The following MACROD2 variants were observed in gnomAD, a reference collection of about 807,000 sequenced individuals.
MACROD2 encodes the protein ADP-ribose glycohydrolase MACROD2.
Under a neutral mutation model 70.4 loss-of-function variants are expected in MACROD2, and 36 were observed. The observed-to-expected ratio is 0.51, with a 90% CI of 0.39 to 0.68. The LOEUF (loss-of-function observed/expected upper bound fraction) is 0.68, where lower values mean the gene tolerates loss of function less well. Ranked by LOEUF, MACROD2 falls within the 30% of genes least tolerant of loss-of-function variation. The pLI is 0.00. For synonymous variants in MACROD2, 172 were observed against 178.8 expected (o/e 0.96, Z 0.30); for missense variants, 496 against 538.4 (o/e 0.92, Z 0.78).
intron 17 of MACROD2, among the ~76,000 whole-genome samples, chr20:16,046,435 A>G (rs1416960687): frequency 1.3e-5 from 2 of 151,924 alleles, no homozygotes; most frequent in African/African-American, 4.8e-5. Context: ...ATGAGACTAA[A>G]CTTGAACAAT....
intron 6 of MACROD2, among the ~76,000 whole-genome samples, chr20:15,255,942 T>G (rs1436095711): frequency 6.6e-6 from 1 of 152,148 alleles, no homozygotes; most frequent in African/African-American, 2.4e-5. Flanking sequence ...GAAACTGACT[T>G]ACACACATGA....
At chr20:15,978,119 T>C (rs549217488) in intron 13 of MACROD2, among the ~76,000 whole-genome samples, 43 of 152,356 alleles carry the variant, frequency 2.8e-4, no homozygotes, top group African/African-American at 9.9e-4. Context: ...ATGCAGGCTC[T>C]GATTCTGTAG....
chr20:14,099,043 G>A (rs2054265782), intron 3 of MACROD2, among the ~76,000 whole-genome samples: 1 of 152,174 alleles, frequency 6.6e-6, no homozygotes, highest in South Asian at 2.1e-4. Context: ...ACTTTGGGAG[G>A]CCGAGGCAGG....
chr20:15,603,352 A>C (rs2048848796), intron 8 of MACROD2, among the ~76,000 whole-genome samples: 1 of 151,712 alleles, frequency 6.6e-6, no homozygotes, highest in East Asian at 1.9e-4. Flanking sequence ...ATTTAAAAAA[A>C]AAAAAATTAG....
chr20:15,087,622 G>A (rs1329373860), intron 5 of MACROD2, among the ~76,000 whole-genome samples: 2 of 151,842 alleles, frequency 1.3e-5, no homozygotes, highest in African/African-American at 4.8e-5. Context: ...AGTAAAACTT[G>A]GACTGTTTGT....
At chr20:14,505,368 T>A (rs2123133658) in intron 4 of MACROD2, among the ~76,000 whole-genome samples, 1 of 152,342 alleles carries the variant, frequency 6.6e-6, no homozygotes, top group African/African-American at 2.4e-5. Flanking sequence ...ATCTGTCTAG[T>A]GTTTCTTTGC....
chr20:15,147,130 G>T (rs1242407863), intron 5 of MACROD2, among the ~76,000 whole-genome samples: 1 of 152,094 alleles, frequency 6.6e-6, no homozygotes, highest in Non-Finnish European at 1.5e-5. Context: ...AAAAAAGTGA[G>T]CCTTACCCTG....
At chr20:15,634,754 GT>G (rs1292038336) in intron 8 of MACROD2, among the ~76,000 whole-genome samples, 2 of 152,156 alleles carry the variant, frequency 1.3e-5, no homozygotes, top group Admixed American at 6.5e-5. Context: ...CTTTTTCAAT[GT>G]GTCGTACTGT....
chr20:15,578,289 G>A (rs971065259), intron 8 of MACROD2, among the ~76,000 whole-genome samples: 2 of 152,166 alleles, frequency 1.3e-5, no homozygotes, highest in Admixed American at 1.3e-4. Context: ...TGGGTGGGAC[G>A]TGTACTTTGG....
At chr20:14,695,761 C>A (rs552619838) in intron 5 of MACROD2, among the ~76,000 whole-genome samples, 1 of 152,356 alleles carries the variant, frequency 6.6e-6, no homozygotes, top group East Asian at 1.9e-4. Flanking sequence ...TCAAGCTTTC[C>A]GATGTCTGCA....
chr20:15,333,516 G>T (rs367813130), intron 6 of MACROD2, among the ~76,000 whole-genome samples: 1 of 151,574 alleles, frequency 6.6e-6, no homozygotes. Context: ...GAAGATCAGC[G>T]CTGGAAGAAG....
chr20:16,051,259 A>C lies in MACROD2; in HGVS notation c.*1383A>C, dbSNP rs1269280305. 1 of 152,182 alleles carries C rather than the reference A, an allele frequency of 6.6e-6. No individual in the cohort carries two copies. Among genetic ancestry groups the C allele is most frequent in the Non-Finnish European group, 1.5e-5 (1 of 68,046 alleles). 9.4% of individuals were successfully genotyped at this position (152,182 alleles called of 1,614,324 possible). On this transcript the variant is annotated 3_prime_UTR_variant, in exon 18 of 18. Transcript: ENST00000684519. ...AAACTTACTTATATTGTTTTTCCTT[A>C]ACAGAGGGAGAAAAATAGTGGATTA...
At chr20:14,181,092 GTCTC>G (rs947854602) in intron 3 of MACROD2, among the ~76,000 whole-genome samples, 1 of 148,560 alleles carries the variant, frequency 6.7e-6, no homozygotes, top group Admixed American at 6.7e-5. Flanking sequence ...TTTAGACAGG[GTCTC>G]TCTCTCTGTT....
chr20:15,602,930 G>A (rs1193728431), intron 8 of MACROD2, among the ~76,000 whole-genome samples: 1 of 113,248 alleles, frequency 8.8e-6, no homozygotes, highest in African/African-American at 5.0e-5. Context: ...TTTAACCAAT[G>A]CCCATTTTCT....
At chr20:15,054,946 CT>C (rs10673344) in intron 5 of MACROD2, among the ~76,000 whole-genome samples, 282 of 120,714 alleles carry the variant, frequency 2.3e-3, no homozygotes, top group African/African-American at 3.1e-3. Context: ...CCACATCTAG[CT>C]TTTTTTTTTT....
At chr20:14,963,362 G>A (rs1167496809) in intron 5 of MACROD2, among the ~76,000 whole-genome samples, 1 of 152,086 alleles carries the variant, frequency 6.6e-6, no homozygotes, top group Non-Finnish European at 1.5e-5. Flanking sequence ...ATTACTCAGG[G>A]GAAGGAGACC....
At chr20:14,186,153 A>T (rs1183872982) in intron 3 of MACROD2, among the ~76,000 whole-genome samples, 1 of 152,196 alleles carries the variant, frequency 6.6e-6, no homozygotes, top group African/African-American at 2.4e-5. Context: ...TTTATAATAC[A>T]CATATACCTA....
intron 7 of MACROD2, 85 bp from the exon 8 acceptor site, chr20:15,499,689 G>C: frequency 8.2e-7 from 1 of 1,222,594 alleles, no homozygotes. Flanking sequence ...GTTTAAATGA[G>C]AAAACTCCAG....
chr20:14,140,813 T>C (rs2054862320), intron 3 of MACROD2, among the ~76,000 whole-genome samples: 1 of 152,146 alleles, frequency 6.6e-6, no homozygotes, highest in East Asian at 1.9e-4. Context: ...TTATCAGTGG[T>C]ATCGGCCGAG....
Sources: gnomAD v4.1 joint callset for allele counts (sites outside exome capture counted in the v4.1 genomes callset) on GRCh38, gnomAD v4.1.1 for gene constraint, MANE v1.5 for transcripts, NCBI Gene and HGNC (gene_info 2026-07-23, HGNC 2026-07-21) for gene names.